The following MED24 variants were observed in gnomAD, a reference collection of about 807,000 sequenced individuals.
MED24 encodes mediator complex subunit 24, also known as mediator of RNA polymerase II transcription subunit 24.
In MED24, 74 loss-of-function variants were observed where a neutral mutation model predicts 118.8. The ratio of observed to expected loss-of-function variants is 0.62; its 90% CI spans 0.52 to 0.76. The LOEUF is 0.76. Ranked by LOEUF, MED24 falls within the 30% of genes least tolerant of loss-of-function variation. MED24 has a pLI of 0.00. For synonymous variants in MED24, 521 were observed against 523.9 expected (o/e 0.99, Z 0.08); for missense variants, 1,041 against 1,278.9 (o/e 0.81, Z 2.84).
chr17:40,053,470 T>G lies in MED24; in HGVS notation c.129A>C (p.Ala43=), dbSNP rs769786626. 2 of 1,614,190 alleles carry G rather than the reference T, an allele frequency of 1.2e-6. No homozygotes were observed. Among genetic ancestry groups the G allele is most frequent in the Non-Finnish European group, 8.5e-7 (1 of 1,180,030 alleles). The change falls in exon 2 of 26, where the codon GCA becomes GCC. Residue 43 remains alanine (A), a splice_region_variant and synonymous_variant. Transcript: ENST00000394128. The part of the protein sequence containing the change: ...KGATWDILNL[A]DALLEQAMIG... ...TTTCTTTCCCAGTTCACTTGAGACC[T>G]GCCAGGTTGAGAATATCCCAGGTGG... is the stretch of plus-strand genomic sequence containing the variant.
intron 22 of MED24, 23 bp from the exon 23 acceptor site, chr17:40,022,077 T>C: frequency 6.5e-7 from 1 of 1,538,150 alleles, no homozygotes; most frequent in African/African-American, 1.4e-5. Context: ...AAAGTCACTG[T>C]TATACACCCC....
chr17:40,052,606 G>C (rs954781657), intron 3 of MED24, among the ~76,000 whole-genome samples: 2 of 151,512 alleles, frequency 1.3e-5, no homozygotes, highest in African/African-American at 4.8e-5. Context: ...TCTTTTGCTT[G>C]TTGTTGTTTT....
At position 40,022,663 on chromosome 17, in the gene MED24, G is replaced by A. The variant is rs535594488; in HGVS notation, c.2414C>T (p.Pro805Leu). 4.8e-5 allele frequency: 77 copies of A among 1,613,194 alleles called. No individual in the cohort carries two copies. Among genetic ancestry groups the A allele is most frequent in the Non-Finnish European group, 5.9e-5 (70 of 1,179,876 alleles). ...ATCTTACTTGGCAAGAGCAGTGCCC[G>A]GGGGGTCCATGAGGCTGTGCCACTT... Reference protein sequence around the residue: ...SSKWHSLMDPPGTALAKLAVW... With the variant: ...SSKWHSLMDPLGTALAKLAVW... Residue 805 changes from proline to leucine, a missense_variant, in exon 21 of 26, where the codon CCG becomes CTG. Transcript: ENST00000394128.
intron 12 of MED24, 75 bp from the exon 13 acceptor site, chr17:40,029,934 C>A (rs1660501664): frequency 2.2e-6 from 3 of 1,389,182 alleles, no homozygotes; most frequent in African/African-American, 1.4e-5. Flanking sequence ...CTCGTTCAAG[C>A]CCGGAAGGAA....
chr17:40,019,705 G>A, intron 25 of MED24, 60 bp from the exon 26 acceptor site: 1 of 1,585,950 alleles, frequency 6.3e-7, no homozygotes, highest in Non-Finnish European at 8.6e-7. Flanking sequence ...GCTGTCCCAG[G>A]GGGAAGGAGG....
intron 5 of MED24, 104 bp downstream of exon 5, chr17:40,035,618 G>A (rs1983847511): frequency 2.4e-6 from 3 of 1,260,884 alleles, no homozygotes; most frequent in Non-Finnish European, 2.2e-6. Flanking sequence ...GAGAAAAAAC[G>A]TTGGAACCCG....
intron 3 of MED24, among the ~76,000 whole-genome samples, chr17:40,050,077 G>A (rs1985660914): frequency 6.7e-6 from 1 of 150,124 alleles, no homozygotes; most frequent in African/African-American, 2.5e-5. Context: ...TTGAGCCCAA[G>A]GAGATGGAGG....
rs1033070645 is a variant in MED24 at position 40,033,754 on chromosome 17, G to A, written c.560-298C>T. 1.1e-5 allele frequency: 6 copies of A among 548,622 alleles called. No homozygotes were observed. The Admixed American group carries it at 1.3e-4, about 12-fold the overall frequency. 34.0% of individuals were successfully genotyped at this position (548,622 alleles called of 1,614,324 possible). On this transcript the variant is annotated intron_variant, in intron 6 of 25. Transcript: ENST00000394128. The surrounding 1 kb of genome is among the most constrained non-coding windows in gnomAD (Gnocchi z 5.2). ...CAGGCTCAGGAGAGAGAGGCAGAGG[G>A]AGGCCAGAATCCAGTGGCTGGAACA...
At chr17:40,026,810 C>A (rs764229846) in intron 17 of MED24, 46 bp downstream of exon 17, 1 of 1,611,270 alleles carries the variant, frequency 6.2e-7, no homozygotes, top group Non-Finnish European at 8.5e-7. Context: ...CGGGTCTTGA[C>A]CCTGCCCCCA....
chr17:40,026,062 C>A, intron 19 of MED24, 94 bp downstream of exon 19: 3 of 1,328,842 alleles, frequency 2.3e-6, no homozygotes, highest in Non-Finnish European at 2.1e-6. Flanking sequence ...AGCGTGTTTG[C>A]GAAGGTCAGA....
Position 40,020,304 on chromosome 17 carries a change from G to A in MED24, c.2673C>T (p.Val891=), listed in dbSNP as rs752465002. 3.8e-6 allele frequency: 6 copies of A among 1,584,414 alleles called. No homozygotes were observed. Among genetic ancestry groups the A allele is most frequent in the South Asian group, 1.2e-5 (1 of 85,220 alleles). Residue 891 remains valine (V), a synonymous_variant, in exon 24 of 26, where the codon GTC becomes GTT. Coordinates refer to ENST00000394128, the MANE Select transcript of MED24 (RefSeq NM_014815.4). ...SSLSASQLHT[V]NMRDPLNRVL... ...CTCGGTTCAGAGGGTCCCGCATGTTGACCGTGTGGAGCTGAGAGGCTGAGA... is the reference window on the plus strand; with the variant it reads ...CTCGGTTCAGAGGGTCCCGCATGTTAACCGTGTGGAGCTGAGAGGCTGAGA...
At chr17:40,029,053 A>G (rs1983061888) in intron 13 of MED24, 85 bp from the exon 14 acceptor site, 1 of 1,558,604 alleles carries the variant, frequency 6.4e-7, no homozygotes, top group African/African-American at 1.4e-5. Flanking sequence ...TTCTCTCTTC[A>G]CAACCTGGAA....
At chr17:40,042,924 G>T (rs1984706871) in intron 3 of MED24, among the ~76,000 whole-genome samples, 1 of 152,142 alleles carries the variant, frequency 6.6e-6, no homozygotes. Flanking sequence ...AGAAATTAGA[G>T]AATATATTTT....
At chr17:40,022,209 CT>C (rs1982104940) in intron 22 of MED24, among the ~76,000 whole-genome samples, 155 bp from the exon 23 acceptor site, 1 of 152,226 alleles carries the variant, frequency 6.6e-6, no homozygotes, top group East Asian at 1.9e-4. Flanking sequence ...TGACAGGCCC[CT>C]TGTGCCCATG....
rs1250668789 is a variant in MED24, at chr17:40,027,961, G to A, written c.1410-15C>T. On this transcript the variant is annotated splice_polypyrimidine_tract_variant and intron_variant, in intron 14 of 25. Coordinates refer to ENST00000394128, the MANE Select transcript of MED24 (RefSeq NM_014815.4). Reference sequence around the variant, plus strand: ...ATTCATTCAAACTGAAAGGAATGGAGACAGGCTGCATTGACCAGGGCATGA... The same window carrying A: ...ATTCATTCAAACTGAAAGGAATGGAAACAGGCTGCATTGACCAGGGCATGA... 21 of 1,613,588 alleles carry A rather than the reference G, an allele frequency of 1.3e-5. No homozygotes were observed. In the South Asian group the frequency reaches 2.3e-4, roughly 18 times the overall value.
At chr17:40,026,516 T>C (rs1266551113) in intron 18 of MED24, 131 bp downstream of exon 18, 7 of 1,141,286 alleles carry the variant, frequency 6.1e-6, no homozygotes, top group Non-Finnish European at 8.8e-6. Flanking sequence ...AGACAACGAT[T>C]ACACAAAATA....
Position 40,019,596 on chromosome 17 carries a change from A to C in MED24, c.2903T>G (p.Leu968Arg). 3 of 1,611,086 alleles carry C rather than the reference A, an allele frequency of 1.9e-6. No individual in the cohort carries two copies. The highest frequency in any genetic ancestry group is 1.7e-6 in the Non-Finnish European group (2 of 1,178,382). Residue 968 changes from leucine to arginine, a missense_variant, in exon 26 of 26, where the codon CTG becomes CGG. This residue lies in a region of MED24 where 587 missense variants were observed against 694.4 expected (regional missense o/e 0.85). Coordinates refer to ENST00000394128, the MANE Select transcript of MED24 (RefSeq NM_014815.4). ...VSAMSSPKVV[L>R]AITDLSLPLG... Reference sequence around the variant, plus strand: ...GGGCAGGCTGAGGTCCGTGATGGCCAGAACCACCTTGGGGCTGGACATGGC... The same window carrying C: ...GGGCAGGCTGAGGTCCGTGATGGCCCGAACCACCTTGGGGCTGGACATGGC...
Position 40,033,313 on chromosome 17 carries a change from C to T in MED24, c.671+32G>A. 1 of 1,612,298 alleles carries T rather than the reference C, an allele frequency of 6.2e-7. No homozygotes were observed. On this transcript the variant is annotated intron_variant, in intron 7 of 25. Transcript: ENST00000394128. The surrounding 1 kb of genome is among the most constrained non-coding windows in gnomAD (Gnocchi z 5.2). The stretch of plus-strand genomic sequence containing the variant: ...CTACCCCAGGGCGTGTCCTCCCTCT[C>T]CCTTCTCCACCATCCCCCAGGGAGC...
chr17:40,023,940 G>A (rs756736812), intron 19 of MED24, among the ~76,000 whole-genome samples: 7 of 152,174 alleles, frequency 4.6e-5, no homozygotes, highest in South Asian at 2.1e-4. Context: ...GACCCGGGCC[G>A]AGTGCTGACT....
Sources: allele counts gnomAD v4.1 joint callset (sites outside exome capture counted in the v4.1 genomes callset), GRCh38; gene constraint gnomAD v4.1.1; regional missense constraint gnomAD v4.1.1; non-coding constraint Gnocchi (gnomAD v3.1); transcripts MANE v1.5; gene names NCBI Gene and HGNC (gene_info 2026-07-23, HGNC 2026-07-21).